The following NPIPB4 variants were observed in gnomAD, a reference collection of about 807,000 sequenced individuals.
NPIPB4 encodes nuclear pore complex-interacting protein family member B4.
For missense variants in NPIPB4, 105 were observed against 513.7 expected (o/e 0.20, Z 7.69); for synonymous variants, 31 against 194.1 (o/e 0.16, Z 6.99).
At chr16:21,847,908 G>A (rs1197527285) in intron 2 of NPIPB4, among the ~76,000 whole-genome samples, 4 of 16,854 alleles carry the variant, frequency 2.4e-4, no homozygotes, top group South Asian at 1.9e-3. Flanking sequence ...TTTTTTTTGA[G>A]ACAGAGTTCC....
intron 5 of NPIPB4, among the ~76,000 whole-genome samples, chr16:21,840,518 C>A (rs942297330): frequency 6.6e-6 from 1 of 150,482 alleles, no homozygotes; most frequent in African/African-American, 2.4e-5. Context: ...GGCTGTGATT[C>A]AAAGATTCCC....
chr16:21,840,423 G>A lies in NPIPB4; in HGVS notation c.546-1113C>T, dbSNP rs1449329846. Reference sequence around the variant, plus strand: ...GCATGCTCACATTCTTTCACGCTTAGTTTCCTCAGATTAGAAGGGAGAGAA... The same window carrying A: ...GCATGCTCACATTCTTTCACGCTTAATTTCCTCAGATTAGAAGGGAGAGAA... On this transcript the variant is annotated intron_variant, in intron 5 of 7. Coordinates refer to ENST00000682606, the MANE Select transcript of NPIPB4 (RefSeq NM_001384980.1). 2.3e-5 allele frequency among the ~76,000 whole-genome samples: 3 copies of A among 133,046 alleles called. No homozygotes were observed. In the Admixed American group the frequency reaches 2.3e-4, roughly 10 times the overall value. 87.3% of individuals were successfully genotyped at this position (133,046 alleles called of 152,430 possible).
At chr16:21,840,104 G>T (rs542586614) in intron 5 of NPIPB4, 4,454 of 45,512 alleles carry the variant, frequency 0.098, 291 homozygotes, top group South Asian at 0.19. Context: ...GCTGGCAATG[G>T]GGTCAGGAGA....
chr16:21,850,509 C>T (rs1191456310), intron 2 of NPIPB4, among the ~76,000 whole-genome samples: 1 of 151,734 alleles, frequency 6.6e-6, no homozygotes, highest in African/African-American at 2.4e-5. Context: ...ATTAGCCAGG[C>T]GTGGTGGTCT....
At chr16:21,850,003 T>TATCATTAAGACA (rs1194565090) in intron 2 of NPIPB4, among the ~76,000 whole-genome samples, 1 of 21,366 alleles carries the variant, frequency 4.7e-5, no homozygotes, top group Admixed American at 5.2e-4. Flanking sequence ...GGTTCACGCC[T>TATCATTAAGACA]GTAATCCCAA....
intron 5 of NPIPB4, among the ~76,000 whole-genome samples, chr16:21,843,087 A>G (rs1398150251): frequency 2.1e-4 from 21 of 99,402 alleles, no homozygotes; most frequent in Admixed American, 6.7e-4. Flanking sequence ...GTGCCATTGC[A>G]CTACAGCCTG....
chr16:21,846,045 G>T (rs1486415843), intron 3 of NPIPB4, among the ~76,000 whole-genome samples: 8 of 137,646 alleles, frequency 5.8e-5, no homozygotes, highest in Non-Finnish European at 1.1e-4. Flanking sequence ...CATGGTGGTG[G>T]GCACCTGCAA....
intron 2 of NPIPB4, among the ~76,000 whole-genome samples, chr16:21,850,721 A>C: frequency 9.5e-6 from 1 of 104,762 alleles, no homozygotes; most frequent in Non-Finnish European, 1.9e-5. Context: ...ACACAAATCA[A>C]ATGACATTTC....
At position 21,850,417 on chromosome 16, in the gene NPIPB4, G is replaced by A. The variant is rs1239147507; in HGVS notation, c.121-2876C>T. Among the ~76,000 whole-genome samples, 7 of 151,882 alleles carry A rather than the reference G, an allele frequency of 4.6e-5. No homozygotes were observed. In the South Asian group the frequency reaches 6.2e-4, roughly 13 times the overall value. ...CCTGTAATCCCAGCACTGGGAGGCT[G>A]AGGCAGGCAGATCACGAGGTCAAGA... is the stretch of plus-strand genomic sequence containing the variant. On this transcript the variant is annotated intron_variant, in intron 2 of 7. Coordinates refer to ENST00000682606, the MANE Select transcript of NPIPB4 (RefSeq NM_001384980.1).
At chr16:21,842,805 C>T (rs1446777832) in intron 5 of NPIPB4, among the ~76,000 whole-genome samples, 1 of 39,074 alleles carries the variant, frequency 2.6e-5, no homozygotes, top group African/African-American at 9.8e-5. Context: ...GGCGACAGAG[C>T]GAGACTCTAT....
At chr16:21,847,196 AG>A (rs1467240566) in intron 3 of NPIPB4, among the ~76,000 whole-genome samples, 1 of 63,170 alleles carries the variant, frequency 1.6e-5, no homozygotes, top group Non-Finnish European at 3.2e-5. Flanking sequence ...TTTGACCAAA[AG>A]CTCTGTTGAC....
intron 3 of NPIPB4, among the ~76,000 whole-genome samples, chr16:21,845,625 CACAGCT>C (rs1421291803): frequency 1.0e-4 from 2 of 19,920 alleles, no homozygotes; most frequent in Non-Finnish European, 9.6e-5. Context: ...ACGTCAATCC[CACAGCT>C]ACTGCTAGAT....
intron 2 of NPIPB4, among the ~76,000 whole-genome samples, chr16:21,850,510 G>A (rs1302920689): frequency 1.3e-5 from 2 of 151,716 alleles, no homozygotes; most frequent in Non-Finnish European, 2.9e-5. Context: ...TTAGCCAGGC[G>A]TGGTGGTCTA....
intron 5 of NPIPB4, among the ~76,000 whole-genome samples, chr16:21,840,647 T>C (rs1295395273): frequency 3.9e-5 from 5 of 128,906 alleles, no homozygotes; most frequent in African/African-American, 1.4e-4. Context: ...CACCTGTCAT[T>C]TCCAGCTCAT....
At chr16:21,853,611 C>A (rs1252454706) in intron 2 of NPIPB4, among the ~76,000 whole-genome samples, 1 of 50,794 alleles carries the variant, frequency 2.0e-5, no homozygotes, top group Non-Finnish European at 3.2e-5. Context: ...GCCTGGGTGA[C>A]AGAATGGAAT....
Position 21,845,919 on chromosome 16 carries a change from T to TA in NPIPB4, c.249+1493dup, listed in dbSNP as rs535135170. ...TGGCTCACGTGGTGGCTCACGCTTG[T>TA]AATCCCAGCACTTTGGGAGGCTGAG... On this transcript the variant is annotated intron_variant, in intron 3 of 7. Coordinates refer to ENST00000682606, the MANE Select transcript of NPIPB4 (RefSeq NM_001384980.1). Among the ~76,000 whole-genome samples the TA allele has an allele frequency of 3.6e-5, 5 of 138,368 alleles. 1 individual carries two copies. In the South Asian group the frequency reaches 1.3e-3, roughly 36 times the overall value. The allele number at this position is 138,368 out of a possible 152,430, so 90.8% of individuals were successfully genotyped here. A position where few individuals can be genotyped will look rare whatever the true frequency, so the allele number is the denominator to read the frequency against.
intron 2 of NPIPB4, among the ~76,000 whole-genome samples, chr16:21,850,002 C>CGTATCATTAAAAA (rs1160789207): frequency 9.4e-5 from 2 of 21,220 alleles, no homozygotes; most frequent in African/African-American, 3.0e-4. Context: ...TGGTTCACGC[C>CGTATCATTAAAAA]TGTAATCCCA....
At position 21,836,476 on chromosome 16, in the gene NPIPB4, G is replaced by A. The variant is rs1901491960; in HGVS notation, c.1911C>T (p.Val637=). The A allele has an allele frequency of 6.8e-7, 1 of 1,476,460 alleles. No individual in the cohort carries two copies. Among genetic ancestry groups the A allele is most frequent in the South Asian group, 1.2e-5 (1 of 81,804 alleles). The allele number at this position is 1,476,460 out of a possible 1,614,324, so 91.5% of individuals were successfully genotyped here. A position where few individuals can be genotyped will look rare whatever the true frequency, so the allele number is the denominator to read the frequency against. The change falls in exon 8 of 8, where the codon GTC becomes GTT. Residue 637 remains valine, a synonymous_variant. Transcript: ENST00000682606. ...RMIISRHLPS[V]SSLPFHPQLH... is the part of the protein sequence containing the mutation. Reference sequence around the variant, plus strand: ...GCTGAGGGTGGAAGGGGAGTGAGCTGACGCTCGGAAGGTGTCTTGAGATTA... The same window carrying A: ...GCTGAGGGTGGAAGGGGAGTGAGCTAACGCTCGGAAGGTGTCTTGAGATTA...
At chr16:21,850,483 T>C (rs941237238) in intron 2 of NPIPB4, among the ~76,000 whole-genome samples, 3 of 151,992 alleles carry the variant, frequency 2.0e-5, no homozygotes, top group Non-Finnish European at 2.9e-5. Context: ...ACCCCATCTC[T>C]ACTAAAAACA....
Sources: gnomAD v4.1 joint callset for allele counts (sites outside exome capture counted in the v4.1 genomes callset) on GRCh38, gnomAD v4.1.1 for gene constraint, MANE v1.5 for transcripts, NCBI Gene and HGNC (gene_info 2026-07-23, HGNC 2026-07-21) for gene names.